Variants in FTO observed in about 807,000 individuals in gnomAD.
FTO encodes FTO alpha-ketoglutarate dependent dioxygenase, also known as alpha-ketoglutarate-dependent dioxygenase FTO.
FTO carries 47 observed loss-of-function variants against 63.9 expected under a neutral mutation model. The ratio of observed to expected loss-of-function variants is 0.74; its 90% CI spans 0.58 to 0.94. The LOEUF is 0.94. Among genes scored for constraint, FTO ranks in the 40% least tolerant of loss-of-function variants. The pLI is 0.00. For synonymous variants in FTO, 207 were observed against 224.4 expected (o/e 0.92, Z 0.69); for missense variants, 562 against 618.1 (o/e 0.91, Z 0.96).
At chr16:54,069,663 T>C (rs1457651120) in intron 8 of FTO, among the ~76,000 whole-genome samples, 2 of 152,322 alleles carry the variant, frequency 1.3e-5, no homozygotes, top group East Asian at 3.9e-4. Context: ...TTTTTTTTAA[T>C]GGAAAGATTA....
chr16:53,963,174 T>G (rs1367384321), intron 8 of FTO, among the ~76,000 whole-genome samples: 3 of 152,170 alleles, frequency 2.0e-5, no homozygotes. Flanking sequence ...AATGATACCA[T>G]AATAACACAA....
chr16:53,851,186 G>T (rs1428888936), intron 4 of FTO, among the ~76,000 whole-genome samples: 1 of 150,942 alleles, frequency 6.6e-6, no homozygotes, highest in African/African-American at 2.4e-5. Context: ...GGTGGCTCAC[G>T]CCTGTAATCC....
At chr16:53,935,661 G>A (rs1288923517) in intron 8 of FTO, 1 of 152,058 alleles carries the variant, frequency 6.6e-6, no homozygotes, top group African/African-American at 2.4e-5. Context: ...CTCTTGCCTT[G>A]ACCTCCCAAA....
intron 1 of FTO, among the ~76,000 whole-genome samples, chr16:53,742,418 T>C (rs1172692438): frequency 3.9e-5 from 6 of 152,126 alleles, no homozygotes; most frequent in Non-Finnish European, 7.4e-5. Context: ...ATTTTGTTGA[T>C]AAGAAAAATT....
chr16:53,992,556 A>T (rs1490656140), intron 8 of FTO: 1 of 152,112 alleles, frequency 6.6e-6, no homozygotes, highest in Non-Finnish European at 1.5e-5. Context: ...GAAGCCTGAA[A>T]AGTCATTTCC....
chr16:53,760,906 C>T (rs145403160), intron 1 of FTO, among the ~76,000 whole-genome samples: 3,558 of 151,958 alleles, frequency 0.023, 134 homozygotes, highest in African/African-American at 0.081. Flanking sequence ...GGATTACAGG[C>T]GTGAGCCACT....
chr16:53,841,854 C>T (rs2079487344), intron 3 of FTO, among the ~76,000 whole-genome samples: 1 of 152,178 alleles, frequency 6.6e-6, no homozygotes, highest in Non-Finnish European at 1.5e-5. Flanking sequence ...TCATTTTACC[C>T]TCTGCCAGTC....
chr16:53,865,367 T>C (rs2080279326), intron 4 of FTO, among the ~76,000 whole-genome samples: 1 of 152,168 alleles, frequency 6.6e-6, no homozygotes, highest in Admixed American at 6.5e-5. Context: ...CATTAGGCCT[T>C]ACAGCCACAC....
At chr16:53,717,658 G>A (rs946064286) in intron 1 of FTO, among the ~76,000 whole-genome samples, 1 of 151,858 alleles carries the variant, frequency 6.6e-6, no homozygotes, top group Non-Finnish European at 1.5e-5. Context: ...TAACAGTCAT[G>A]CATTCTTCTG....
chr16:53,839,058 C>T (rs192070567), intron 3 of FTO, among the ~76,000 whole-genome samples: 72 of 152,194 alleles, frequency 4.7e-4, no homozygotes, highest in African/African-American at 1.2e-3. Context: ...GAAATGTAAA[C>T]AAAGTATTTT....
At chr16:53,971,695 A>G (rs1173277721) in intron 8 of FTO, among the ~76,000 whole-genome samples, 3 of 152,216 alleles carry the variant, frequency 2.0e-5, no homozygotes, top group Non-Finnish European at 4.4e-5. Context: ...CTGTCTCAGC[A>G]GTGCTGCAGC....
chr16:53,731,762 T>A (rs1871546434), intron 1 of FTO, among the ~76,000 whole-genome samples: 1 of 151,164 alleles, frequency 6.6e-6, no homozygotes, highest in Non-Finnish European at 1.5e-5. Context: ...TTTTTTTTTT[T>A]TTTGAGACGG....
At chr16:53,788,736 C>T (rs1190282801) in intron 1 of FTO, among the ~76,000 whole-genome samples, 1 of 151,816 alleles carries the variant, frequency 6.6e-6, no homozygotes, top group Non-Finnish European at 1.5e-5. Context: ...TCTTTAGTAT[C>T]ATAGGGGTAG....
At chr16:54,080,982 G>A (rs1320730327) in intron 8 of FTO, among the ~76,000 whole-genome samples, 1 of 152,154 alleles carries the variant, frequency 6.6e-6, no homozygotes, top group Non-Finnish European at 1.5e-5. Flanking sequence ...CACAAGCGAA[G>A]CAAAACCCCG....
At chr16:53,895,789 G>A (rs2081265741) in intron 7 of FTO, among the ~76,000 whole-genome samples, 1 of 152,134 alleles carries the variant, frequency 6.6e-6, no homozygotes, top group Non-Finnish European at 1.5e-5. Flanking sequence ...CCTCTGCTCT[G>A]CACACAATAG....
intron 4 of FTO, among the ~76,000 whole-genome samples, chr16:53,846,932 C>CT (rs2079639902): frequency 6.6e-6 from 1 of 151,424 alleles, no homozygotes; most frequent in South Asian, 2.1e-4. Context: ...AAAAGAAACT[C>CT]TGGAAAAAAG....
At chr16:54,109,363 C>G (rs2086825300) in intron 8 of FTO, among the ~76,000 whole-genome samples, 2 of 152,100 alleles carry the variant, frequency 1.3e-5, no homozygotes, top group Admixed American at 6.5e-5. Context: ...AAGAGTCTTG[C>G]TCTGTTGCCC....
At chr16:53,869,690 T>C (rs2080441338) in intron 4 of FTO, among the ~76,000 whole-genome samples, 1 of 152,176 alleles carries the variant, frequency 6.6e-6, no homozygotes. Flanking sequence ...GTTACAGTGT[T>C]ATTGATTTCC....
chr16:53,914,544 C>T (rs1376763303), intron 7 of FTO, among the ~76,000 whole-genome samples: 2 of 152,052 alleles, frequency 1.3e-5, no homozygotes, highest in Admixed American at 6.5e-5. Flanking sequence ...GTGGCAACTT[C>T]TCAGGGTGGT....
Sources: allele counts gnomAD v4.1 joint callset (sites outside exome capture counted in the v4.1 genomes callset), GRCh38; gene constraint gnomAD v4.1.1; transcripts MANE v1.5; gene names NCBI Gene and HGNC (gene_info 2026-07-23, HGNC 2026-07-21).